FSTL4: variants seen among roughly 807,000 people sequenced by gnomAD.
FSTL4 encodes follistatin like 4.
In FSTL4, 28 loss-of-function variants were observed where a neutral mutation model predicts 78.2. The observed-to-expected ratio is 0.36, with a 90% CI of 0.27 to 0.49. FSTL4 has a LOEUF of 0.49. Ranked by LOEUF, FSTL4 falls within the 20% of genes least tolerant of loss-of-function variation. The pLI, the probability that FSTL4 is intolerant of heterozygous loss-of-function variation, is 0.98. For missense variants in FSTL4, 922 were observed against 1,084.9 expected, an observed-to-expected ratio of 0.85 and a Z score of 2.11; for synonymous variants, 422 against 440.5, an observed-to-expected ratio of 0.96 and a Z score of 0.53.
chr5:133,305,785 C>T (rs1753642427), intron 6 of FSTL4, among the ~76,000 whole-genome samples: 1 of 152,200 alleles, frequency 6.6e-6, no homozygotes, highest in South Asian at 2.1e-4. Flanking sequence ...ACCTCAATTC[C>T]TCACCCTTTC....
At chr5:133,807,849 C>G in the FSTL4 span, among the ~76,000 whole-genome samples, 1 of 152,214 alleles carries the variant, frequency 6.6e-6, no homozygotes, top group Non-Finnish European at 1.5e-5. Context: ...GAGACAGTGT[C>G]TTCTCCTCAC....
At chr5:133,413,232 A>G (rs572999852) in intron 3 of FSTL4, among the ~76,000 whole-genome samples, 1 of 152,180 alleles carries the variant, frequency 6.6e-6, no homozygotes, top group African/African-American at 2.4e-5. Context: ...GTCTGTCTTT[A>G]TTCCTCATAA....
intron 14 of FSTL4, among the ~76,000 whole-genome samples, chr5:133,208,503 G>A (rs1158388004): frequency 6.6e-6 from 1 of 152,002 alleles, no homozygotes; most frequent in Non-Finnish European, 1.5e-5. Flanking sequence ...ATATTTTATT[G>A]GAAACTTATT....
chr5:133,330,719 C>A (rs1754325182), intron 4 of FSTL4, among the ~76,000 whole-genome samples: 1 of 152,078 alleles, frequency 6.6e-6, no homozygotes, highest in African/African-American at 2.4e-5. Context: ...GTATCCATTT[C>A]AAGATAATAA....
At chr5:133,239,046 C>T (rs568251089) in intron 7 of FSTL4, among the ~76,000 whole-genome samples, 4 of 152,308 alleles carry the variant, frequency 2.6e-5, no homozygotes, top group African/African-American at 4.8e-5. Flanking sequence ...GCGTGAGTTT[C>T]GGGTGGGCAT....
chr5:133,558,446 G>A (rs904077516), intron 3 of FSTL4, among the ~76,000 whole-genome samples: 3 of 152,038 alleles, frequency 2.0e-5, no homozygotes, highest in Non-Finnish European at 4.4e-5. Context: ...CCATCCAACT[G>A]CACTGACTGC....
Position 133,447,833 on chromosome 5 carries a change from C to T in FSTL4, c.161-46847G>A, listed in dbSNP as rs920340773. 2.0e-5 allele frequency among the ~76,000 whole-genome samples: 3 copies of T among 152,324 alleles called. No individual in the cohort carries two copies. The South Asian group carries it at 6.2e-4, about 32-fold the overall frequency. ...GGGATTACAGGTGTGAACCACTGCA[C>T]CCAGCCTAGGATTATAATTTTCTAA... is the stretch of plus-strand genomic sequence containing the variant. On this transcript the variant is annotated intron_variant, in intron 3 of 15. Coordinates refer to ENST00000265342, the MANE Select transcript of FSTL4 (RefSeq NM_015082.2).
At chr5:133,479,228 T>C (rs984421177) in intron 3 of FSTL4, among the ~76,000 whole-genome samples, 1 of 152,218 alleles carries the variant, frequency 6.6e-6, no homozygotes, top group African/African-American at 2.4e-5. Context: ...CATGTGCGTC[T>C]TACTTGCTGC....
intron 3 of FSTL4, among the ~76,000 whole-genome samples, chr5:133,490,998 C>T (rs1010364933): frequency 2.0e-5 from 3 of 152,156 alleles, no homozygotes; most frequent in Non-Finnish European, 4.4e-5. Context: ...AAACAACTAT[C>T]TTTACTATGC....
the FSTL4 span, among the ~76,000 whole-genome samples, chr5:133,775,056 T>C: frequency 6.6e-6 from 1 of 152,232 alleles, no homozygotes; most frequent in Non-Finnish European, 1.5e-5. Context: ...CTCTTGGAAT[T>C]GCAGAGGAAA....
chr5:133,699,642 G>A, the FSTL4 span, among the ~76,000 whole-genome samples: 20 of 152,152 alleles, frequency 1.3e-4, no homozygotes, highest in Admixed American at 4.6e-4. Context: ...AGCACTTTGG[G>A]AGGCCAAGGC....
At chr5:133,462,170 C>T (rs912659345) in intron 3 of FSTL4, among the ~76,000 whole-genome samples, 7 of 152,220 alleles carry the variant, frequency 4.6e-5, no homozygotes, top group African/African-American at 9.6e-5. Flanking sequence ...AAGAGAGCCA[C>T]GACAACTGCT....
intron 6 of FSTL4, among the ~76,000 whole-genome samples, chr5:133,254,180 TA>T (rs1168375908): frequency 6.6e-6 from 1 of 152,240 alleles, no homozygotes; most frequent in African/African-American, 2.4e-5. Context: ...ATGGGAAATC[TA>T]AGGGAGGTGG....
At chr5:133,566,812 T>C (rs1173047423) in intron 3 of FSTL4, among the ~76,000 whole-genome samples, 1 of 152,232 alleles carries the variant, frequency 6.6e-6, no homozygotes, top group Non-Finnish European at 1.5e-5. Context: ...TCCCAGATAT[T>C]GAAATACCAC....
chr5:133,499,314 C>G (rs780632848), intron 3 of FSTL4, among the ~76,000 whole-genome samples: 1 of 148,470 alleles, frequency 6.7e-6, no homozygotes. Flanking sequence ...TCACTGGGTC[C>G]TGGAAGTGCC....
chr5:133,369,331 G>A (rs967230282), intron 4 of FSTL4, among the ~76,000 whole-genome samples: 7 of 152,138 alleles, frequency 4.6e-5, no homozygotes, highest in South Asian at 2.1e-4. Context: ...CAGCATGGGC[G>A]GTCCCTCTGT....
intron 3 of FSTL4, among the ~76,000 whole-genome samples, chr5:133,441,288 G>A (rs914190726): frequency 2.0e-4 from 31 of 152,254 alleles, no homozygotes; most frequent in African/African-American, 7.2e-4. Context: ...GTTGGTTGAA[G>A]GCTACTCCTG....
At chr5:133,276,990 A>G (rs1752897562) in intron 6 of FSTL4, among the ~76,000 whole-genome samples, 1 of 152,188 alleles carries the variant, frequency 6.6e-6, no homozygotes, top group Admixed American at 6.5e-5. Flanking sequence ...GTTCAAACAT[A>G]GGCAAAATTA....
chr5:133,785,011 T>C, the FSTL4 span, among the ~76,000 whole-genome samples: 2 of 152,152 alleles, frequency 1.3e-5, no homozygotes, highest in Non-Finnish European at 2.9e-5. Context: ...AATAAGGCCA[T>C]AAGGAGGATG....
Sources: gnomAD v4.1 joint callset for allele counts (sites outside exome capture counted in the v4.1 genomes callset) on GRCh38, gnomAD v4.1.1 for gene constraint, MANE v1.5 for transcripts, NCBI Gene and HGNC (gene_info 2026-07-23, HGNC 2026-07-21) for gene names.